The following AFG2A variants were observed in gnomAD, a reference collection of about 807,000 sequenced individuals.
AFG2A encodes AAA ATPase AFG2A, also known as ATPase family gene 2 protein homolog A.
At chr4:123,200,616 C>G in the AFG2A span, among the ~76,000 whole-genome samples, 2 of 152,166 alleles carry the variant, frequency 1.3e-5, no homozygotes, top group Non-Finnish European at 2.9e-5. Context: ...TGGAATAGCT[C>G]TTTTCATTGT....
chr4:122,997,500 C>G, the AFG2A span, among the ~76,000 whole-genome samples: 1 of 152,082 alleles, frequency 6.6e-6, no homozygotes, highest in Non-Finnish European at 1.5e-5. Context: ...AGATCATATT[C>G]CATTGTGTTG....
chr4:122,947,392 G>C, the AFG2A span: 4 of 1,614,038 alleles, frequency 2.5e-6, no homozygotes, highest in Non-Finnish European at 3.4e-6. Context: ...GCTTCGAAGG[G>C]TACCCCATTT....
At chr4:123,112,297 T>C in the AFG2A span, among the ~76,000 whole-genome samples, 1 of 152,190 alleles carries the variant, frequency 6.6e-6, no homozygotes, top group East Asian at 1.9e-4. Flanking sequence ...AATAAGGAGA[T>C]AAAGAAAAAC....
the AFG2A span, among the ~76,000 whole-genome samples, chr4:123,103,174 T>A: frequency 6.6e-6 from 1 of 152,028 alleles, no homozygotes; most frequent in Non-Finnish European, 1.5e-5. Flanking sequence ...AAGAAATGAA[T>A]GAAACTGGCT....
the AFG2A span, among the ~76,000 whole-genome samples, chr4:123,218,337 C>T: frequency 3.9e-5 from 6 of 152,084 alleles, no homozygotes; most frequent in Non-Finnish European, 5.9e-5. Context: ...CTCCTTTTAT[C>T]GTTTGAAGTA....
chr4:123,034,817 T>G, the AFG2A span, among the ~76,000 whole-genome samples: 2 of 152,160 alleles, frequency 1.3e-5, no homozygotes, highest in Non-Finnish European at 2.9e-5. Flanking sequence ...TTAAATAAAT[T>G]TTGAGGTCAG....
At chr4:122,955,537 T>TAGAC in the AFG2A span, among the ~76,000 whole-genome samples, 3 of 152,218 alleles carry the variant, frequency 2.0e-5, no homozygotes, top group South Asian at 6.2e-4. Context: ...GACTCATAGT[T>TAGAC]GTCTAATTTA....
At chr4:122,954,711 A>ACC in the AFG2A span, among the ~76,000 whole-genome samples, 1 of 152,244 alleles carries the variant, frequency 6.6e-6, no homozygotes, top group Non-Finnish European at 1.5e-5. Flanking sequence ...TTCCTATAAC[A>ACC]GACAACCCCT....
chr4:122,939,632 A>G, the AFG2A span, among the ~76,000 whole-genome samples: 1 of 149,328 alleles, frequency 6.7e-6, no homozygotes, highest in African/African-American at 2.5e-5. Context: ...GGTCATTTAG[A>G]ATTTTTTTTT....
At chr4:123,154,418 CAGTTTAA>C in the AFG2A span, among the ~76,000 whole-genome samples, 2 of 152,048 alleles carry the variant, frequency 1.3e-5, no homozygotes, top group Non-Finnish European at 2.9e-5. Context: ...GACAGGTCAA[CAGTTTAA>C]AGTAGCAGAG....
the AFG2A span, among the ~76,000 whole-genome samples, chr4:123,060,377 C>G: frequency 2.0e-5 from 3 of 152,242 alleles, no homozygotes; most frequent in Non-Finnish European, 1.5e-5. Flanking sequence ...GGGCCCTGCC[C>G]CTGCAGCACA....
chr4:122,925,372 G>T, the AFG2A span, among the ~76,000 whole-genome samples: 1 of 152,070 alleles, frequency 6.6e-6, no homozygotes, highest in East Asian at 1.9e-4. Flanking sequence ...TGAAGATCTT[G>T]TCATGACATT....
At chr4:123,044,185 C>T in the AFG2A span, among the ~76,000 whole-genome samples, 2 of 151,986 alleles carry the variant, frequency 1.3e-5, no homozygotes, top group Non-Finnish European at 2.9e-5. Context: ...GGATTTTGGC[C>T]CTAATCATGT....
At chr4:123,049,175 A>G in the AFG2A span, among the ~76,000 whole-genome samples, 3 of 152,110 alleles carry the variant, frequency 2.0e-5, no homozygotes, top group South Asian at 2.1e-4. Context: ...ATTGATTCGC[A>G]TATGTTGGTT....
the AFG2A span, among the ~76,000 whole-genome samples, chr4:122,956,882 C>T: frequency 6.6e-6 from 1 of 152,082 alleles, no homozygotes; most frequent in Non-Finnish European, 1.5e-5. Context: ...AAACAGTATG[C>T]TGGAATTTTT....
the AFG2A span, among the ~76,000 whole-genome samples, chr4:123,254,840 T>G: frequency 1.5e-3 from 227 of 152,330 alleles, no homozygotes; most frequent in African/African-American, 5.2e-3. Flanking sequence ...AGTAAAATAT[T>G]AAGAAGGCTC....
At chr4:123,042,202 CAG>C in the AFG2A span, among the ~76,000 whole-genome samples, 1 of 152,144 alleles carries the variant, frequency 6.6e-6, no homozygotes, top group Non-Finnish European at 1.5e-5. Flanking sequence ...GTTTAAACAA[CAG>C]AAATCTATTT....
chr4:123,196,305 G>A, the AFG2A span, among the ~76,000 whole-genome samples: 2,425 of 150,634 alleles, frequency 0.016, 68 homozygotes, highest in African/African-American at 0.054. Context: ...CACCGCGCCC[G>A]GCCACATCCT....
chr4:123,123,472 ATAACATCTCATATCAATTT>A, the AFG2A span, among the ~76,000 whole-genome samples: 1 of 152,184 alleles, frequency 6.6e-6, no homozygotes, highest in South Asian at 2.1e-4. Flanking sequence ...AATATTAGTG[ATAACATCTCATATCAATTT>A]TTTTGTAACA....
Sources: allele counts gnomAD v4.1 joint callset (sites outside exome capture counted in the v4.1 genomes callset), GRCh38; gene constraint gnomAD v4.1.1; transcripts MANE v1.5; gene names NCBI Gene and HGNC (gene_info 2026-07-23, HGNC 2026-07-21).